The following TRIM32 variants were observed in gnomAD, a reference collection of about 807,000 sequenced individuals.
TRIM32 encodes the protein E3 ubiquitin-protein ligase TRIM32.
In TRIM32, 19 loss-of-function variants were observed where a neutral mutation model predicts 36.0. The observed-to-expected ratio is 0.53, with a 90% CI of 0.37 to 0.77. The LOEUF is 0.77. Ranked by LOEUF, TRIM32 falls within the 30% of genes least tolerant of loss-of-function variation. TRIM32 has a pLI of 0.00. For synonymous variants in TRIM32, 309 were observed against 318.5 expected (o/e 0.97, Z 0.32); for missense variants, 747 against 845.2 (o/e 0.88, Z 1.44).
Position 116,699,880 on chromosome 9 carries a change from G to T in TRIM32, c.*176G>T, listed in dbSNP as rs539458612. ...TTTTATTTGTTATGTCCCCCTCCCC[G>T]CTTCCCACCTAAATTTAGAGCTTTA... On this transcript the variant is annotated 3_prime_UTR_variant, in exon 2 of 2. Transcript: ENST00000450136. The surrounding 1 kb of genome is among the most constrained non-coding windows in gnomAD (Gnocchi z 4.2). 5 of 816,616 alleles carry T rather than the reference G, an allele frequency of 6.1e-6. No individual in the cohort carries two copies. In the Admixed American group the frequency reaches 1.4e-4, roughly 22 times the overall value. 50.6% of individuals were successfully genotyped at this position (816,616 alleles called of 1,614,324 possible).
intron 1 of TRIM32, among the ~76,000 whole-genome samples, chr9:116,688,588 T>C (rs1860395860): frequency 6.6e-6 from 1 of 152,140 alleles, no homozygotes; most frequent in African/African-American, 2.4e-5. Context: ...AAAGATCCGT[T>C]ATCATGAGGC....
At chr9:116,687,865 C>T (rs1045742633) in intron 1 of TRIM32, among the ~76,000 whole-genome samples, 1 of 151,710 alleles carries the variant, frequency 6.6e-6, no homozygotes, top group Admixed American at 6.6e-5. Context: ...CTAGGGCGAT[C>T]CTAAGTGCTA....
intron 1 of TRIM32, among the ~76,000 whole-genome samples, chr9:116,694,318 A>C (rs1196387504): frequency 2.0e-5 from 3 of 152,136 alleles, no homozygotes; most frequent in African/African-American, 7.2e-5. Flanking sequence ...AAGAACACAG[A>C]TGTCCCTGTG....
chr9:116,698,705 T>G lies in TRIM32; in HGVS notation c.963T>G (p.Thr321=), dbSNP rs773701865. 1.2e-6 allele frequency: 2 copies of G among 1,614,186 alleles called. No homozygotes were observed. The highest frequency in any genetic ancestry group is 2.2e-5 in the South Asian group (2 of 91,086). ...ATASAASTSV[T]FREMDMSPEE... The stretch of plus-strand genomic sequence containing the variant: ...CGTCTGCTGCCTCTACCTCTGTTAC[T>G]TTTAGAGAGATGGACATGAGCCCGG... Residue 321 remains threonine (T), a synonymous_variant, in exon 2 of 2, where the codon ACT becomes ACG. Coordinates refer to ENST00000450136, the MANE Select transcript of TRIM32 (RefSeq NM_012210.4). This position sits in a 1 kb window ranked among gnomAD's most constrained non-coding sequence, Gnocchi z 4.4.
rs993542375 is a variant in TRIM32, at chr9:116,698,414, G to C, written c.672G>C (p.Gln224His). Reference protein sequence around the residue: ...EKSNSQVVEEQSYLLNIAEVQ... With the variant: ...EKSNSQVVEEHSYLLNIAEVQ... ...CCAATAGTCAAGTGGTAGAGGAGCA[G>C]AGTTACCTGCTTAACATTGCAGAGG... The change falls in exon 2 of 2, where the codon CAG becomes CAC. Residue 224 changes from glutamine (Q) to histidine (H), a missense_variant. Coordinates refer to ENST00000450136, the MANE Select transcript of TRIM32 (RefSeq NM_012210.4). This position sits in a 1 kb window ranked among gnomAD's most constrained non-coding sequence, Gnocchi z 4.4. The C allele has an allele frequency of 1.2e-6, 2 of 1,614,010 alleles. No individual in the cohort carries two copies. The highest frequency in any genetic ancestry group is 1.7e-6 in the Non-Finnish European group (2 of 1,180,036).
Position 116,699,609 on chromosome 9 carries a change from GC to G in TRIM32, c.1870del (p.Leu624Ter), listed in dbSNP as rs1861073280. The G allele has an allele frequency of 6.2e-7, 1 of 1,614,100 alleles. No homozygotes were observed. On this transcript the variant is annotated frameshift_variant, in exon 2 of 2. Transcript: ENST00000450136. LOFTEE classifies it high-confidence loss of function. The surrounding 1 kb of genome is among the most constrained non-coding windows in gnomAD (Gnocchi z 4.2). ...GGGACTTACCTGTCCGGTGGGCATA[GC>G]CCTAACTCCTAAGGGGCAGCTGCTG... ...REGLTCPVGI[A>X]LTPKGQLLVL...
rs1457408639 is a variant in TRIM32, at chr9:116,701,028, CA to C, written c.*1329del. ...GTTTTATGTTTATAATTACAGTTCACAAAAAGGAAGTTAGTCTTGTTTTTAA... is the reference window on the plus strand; with the variant it reads ...GTTTTATGTTTATAATTACAGTTCACAAAAGGAAGTTAGTCTTGTTTTTAA... On this transcript the variant is annotated 3_prime_UTR_variant, in exon 2 of 2. Transcript: ENST00000450136. 6.0e-6 allele frequency: 1 copy of C among 167,154 alleles called. No individual in the cohort carries two copies. Among genetic ancestry groups the C allele is most frequent in the Non-Finnish European group, 1.5e-5 (1 of 68,096 alleles). The allele number at this position is 167,154 out of a possible 1,614,324, so 10.4% of individuals were successfully genotyped here. A position where few individuals can be genotyped will look rare whatever the true frequency, so the allele number is the denominator to read the frequency against.
chr9:116,688,707 GC>G (rs1408325740), intron 1 of TRIM32, among the ~76,000 whole-genome samples: 1 of 152,184 alleles, frequency 6.6e-6, no homozygotes, highest in Non-Finnish European at 1.5e-5. Context: ...ATCTGCCTAA[GC>G]CCTTTTTCCC....
In TRIM32 at chr9:116,699,062, G is replaced by A; in HGVS notation, c.1320G>A (p.Gly440=). Residue 440 remains glycine (G), a synonymous_variant, in exon 2 of 2, where the codon GGG becomes GGA. Transcript: ENST00000450136. The surrounding 1 kb of genome is among the most constrained non-coding windows in gnomAD (Gnocchi z 4.2). The part of the protein sequence containing the change: ...TPLSVAMNCQ[G]LIGVTDSYDN... The stretch of plus-strand genomic sequence containing the variant: ...TCTCAGTGGCAATGAACTGCCAGGG[G>A]CTGATTGGTGTGACTGACAGCTATG... 6.2e-7 allele frequency: 1 copy of A among 1,614,154 alleles called. No individual in the cohort carries two copies. Among genetic ancestry groups the A allele is most frequent in the African/African-American group, 1.3e-5 (1 of 75,062 alleles).
chr9:116,696,546 A>T (rs1031423821), intron 1 of TRIM32, among the ~76,000 whole-genome samples: 1 of 152,054 alleles, frequency 6.6e-6, no homozygotes, highest in Non-Finnish European at 1.5e-5. Context: ...CCATGTATTT[A>T]TGCATCTTTC....
At chr9:116,692,200 G>A (rs1588207180) in intron 1 of TRIM32, among the ~76,000 whole-genome samples, 1 of 152,212 alleles carries the variant, frequency 6.6e-6, no homozygotes, top group Admixed American at 6.5e-5. Flanking sequence ...GGCAATTCAA[G>A]CATTAGGTGA....
At chr9:116,692,649 A>G (rs1860630009) in intron 1 of TRIM32, among the ~76,000 whole-genome samples, 1 of 152,252 alleles carries the variant, frequency 6.6e-6, no homozygotes, top group South Asian at 2.1e-4. Flanking sequence ...TGCTTCCTTA[A>G]TCTATATAAT....
At chr9:116,697,570 ATGAC>A in intron 1 of TRIM32, 88 bp from the exon 2 acceptor site, 2 of 803,578 alleles carry the variant, frequency 2.5e-6, no homozygotes, top group Non-Finnish European at 3.9e-6. Context: ...GAATGACTGA[ATGAC>A]TGGTCATAGC....
rs777914761 is a variant in TRIM32, at chr9:116,698,206, G to A, written c.464G>A (p.Arg155His). The A allele has an allele frequency of 1.9e-5, 31 of 1,614,036 alleles. 1 individual carries two copies. The highest frequency in any genetic ancestry group is 1.6e-4 in the Middle Eastern group (1 of 6,084). The change falls in exon 2 of 2, where the codon CGT becomes CAT. Residue 155 changes from arginine (R) to histidine (H), a missense_variant. Arg to His is a conservative substitution (Grantham distance 29). Coordinates refer to ENST00000450136, the MANE Select transcript of TRIM32 (RefSeq NM_012210.4). This position sits in a 1 kb window ranked among gnomAD's most constrained non-coding sequence, Gnocchi z 4.4. ...CGGGACTTTGGAGAGAAGTTAACTC[G>A]TCTGCGGGAACTTATGGGGGAGCTG... ...RRRDFGEKLT[R>H]LRELMGELQR...
At position 116,699,195 on chromosome 9, in the gene TRIM32, G is replaced by A. The variant is rs1390075905; in HGVS notation, c.1453G>A (p.Val485Ile). The change falls in exon 2 of 2, where the codon GTA (valine) becomes ATA (isoleucine). Residue 485 changes from valine (V) to isoleucine (I), a missense_variant. By Grantham distance (29) the Val-to-Ile change is conservative. Coordinates refer to ENST00000450136, the MANE Select transcript of TRIM32 (RefSeq NM_012210.4). The surrounding 1 kb of genome is among the most constrained non-coding windows in gnomAD (Gnocchi z 4.2). Reference sequence around the variant, plus strand: ...AGCCTTGCCATCTGGCCAGTTTGTAGTAACCGATGTGGAAGGTGGAAAGCT... The same window carrying A: ...AGCCTTGCCATCTGGCCAGTTTGTAATAACCGATGTGGAAGGTGGAAAGCT... The part of the protein sequence containing the change: ...ITALPSGQFV[V>I]TDVEGGKLWC... 1 of 1,614,260 alleles carries A rather than the reference G, an allele frequency of 6.2e-7. No homozygotes were observed. Among genetic ancestry groups the A allele is most frequent in the African/African-American group, 1.3e-5 (1 of 75,072 alleles).
At chr9:116,695,293 A>G (rs1265268673) in intron 1 of TRIM32, among the ~76,000 whole-genome samples, 3 of 152,224 alleles carry the variant, frequency 2.0e-5, no homozygotes, top group Non-Finnish European at 4.4e-5. Flanking sequence ...GAAGATTAAA[A>G]GAGATTAAGC....
In TRIM32 at chr9:116,700,267, A is replaced by T. The variant is rs1353811721; in HGVS notation, c.*563A>T. 5.8e-6 allele frequency: 1 copy of T among 173,130 alleles called. No individual in the cohort carries two copies. The highest frequency in any genetic ancestry group is 1.4e-5 in the Non-Finnish European group (1 of 72,142). The allele number at this position is 173,130 out of a possible 1,614,324, so 10.7% of individuals were successfully genotyped here. On this transcript the variant is annotated 3_prime_UTR_variant, in exon 2 of 2. Coordinates refer to ENST00000450136, the MANE Select transcript of TRIM32 (RefSeq NM_012210.4). ...GTATGAAAGTCATTCATTTAGTGCTACCAAAGGGGATACACAAGCCCTTTA... is the reference window on the plus strand; with the variant it reads ...GTATGAAAGTCATTCATTTAGTGCTTCCAAAGGGGATACACAAGCCCTTTA...
At position 116,698,987 on chromosome 9, in the gene TRIM32, T is replaced by C. The variant is rs1297665633; in HGVS notation, c.1245T>C (p.Asp415=). 3 of 1,614,064 alleles carry C rather than the reference T, an allele frequency of 1.9e-6. No homozygotes were observed. Among genetic ancestry groups the C allele is most frequent in the African/African-American group, 2.7e-5 (2 of 74,948 alleles). Residue 415 remains aspartate, a synonymous_variant, in exon 2 of 2, where the codon GAT becomes GAC. Transcript: ENST00000450136. This position sits in a 1 kb window ranked among gnomAD's most constrained non-coding sequence, Gnocchi z 4.4. ...TCCGCCGCAGCCCCAGTGGCATTGA[T>C]AGCTTTGTGCTAAGCTTCCTTGGGG... ...KEIRRSPSGI[D]SFVLSFLGAD...
At chr9:116,693,683 A>G (rs1860688959) in intron 1 of TRIM32, among the ~76,000 whole-genome samples, 1 of 152,248 alleles carries the variant, frequency 6.6e-6, no homozygotes, top group Admixed American at 6.5e-5. Context: ...AAGGGAGCCA[A>G]GATGATACAT....
Sources: allele counts gnomAD v4.1 joint callset (sites outside exome capture counted in the v4.1 genomes callset), GRCh38; gene constraint gnomAD v4.1.1; non-coding constraint Gnocchi (gnomAD v3.1); transcripts MANE v1.5; gene names NCBI Gene and HGNC (gene_info 2026-07-23, HGNC 2026-07-21).